Variants in PPP2R2C observed in about 807,000 individuals in gnomAD.
PPP2R2C encodes protein phosphatase 2, regulatory subunit B, gamma.
In PPP2R2C, 10 loss-of-function variants were observed where a neutral mutation model predicts 45.3. That is an observed-to-expected ratio of 0.22 (90% CI 0.14 to 0.37). The LOEUF is 0.37. PPP2R2C is among the 10% of genes least tolerant of loss of function. PPP2R2C has a pLI of 1.00. For missense variants in PPP2R2C, 308 were observed against 619.7 expected, an observed-to-expected ratio of 0.50 and a Z score of 5.34; for synonymous variants, 257 against 245.4, an observed-to-expected ratio of 1.05 and a Z score of -0.44.
chr4:6,479,165 T>C (rs1324954853), intron 2 of PPP2R2C, among the ~76,000 whole-genome samples: 1 of 152,184 alleles, frequency 6.6e-6, no homozygotes, highest in Non-Finnish European at 1.5e-5. Flanking sequence ...AATCCAGAGA[T>C]GTACCCAGGT....
chr4:6,553,627 C>T (rs190070505), intron 1 of PPP2R2C, among the ~76,000 whole-genome samples: 76 of 152,304 alleles, frequency 5.0e-4, no homozygotes, highest in African/African-American at 1.4e-3. Context: ...CTCCACCCAC[C>T]GATAGGCACC....
chr4:6,451,341 G>A (rs921116736), intron 1 of PPP2R2C, among the ~76,000 whole-genome samples: 16 of 152,300 alleles, frequency 1.1e-4, no homozygotes, highest in African/African-American at 3.4e-4. Flanking sequence ...TTCTCGGCAC[G>A]GCCCACAGCT....
intron 1 of PPP2R2C, among the ~76,000 whole-genome samples, chr4:6,536,410 T>C (rs931495685): frequency 2.6e-5 from 4 of 152,182 alleles, no homozygotes; most frequent in African/African-American, 7.2e-5. Context: ...TCACCAGTCA[T>C]TCACATAAAA....
At chr4:6,381,394 C>A in intron 1 of PPP2R2C, 1 of 1,447,414 alleles carries the variant, frequency 6.9e-7, no homozygotes, top group Non-Finnish European at 9.2e-7. Flanking sequence ...ATGGGACTCA[C>A]GGTGGTATCT....
chr4:6,500,669 G>T (rs531341094), intron 2 of PPP2R2C, among the ~76,000 whole-genome samples: 12 of 152,338 alleles, frequency 7.9e-5, no homozygotes, highest in African/African-American at 2.4e-4. Flanking sequence ...AAAGAGGGGG[G>T]TTCATTTGAG....
intron 1 of PPP2R2C, among the ~76,000 whole-genome samples, chr4:6,560,304 T>C (rs1271272079): frequency 6.6e-6 from 1 of 152,210 alleles, no homozygotes; most frequent in African/African-American, 2.4e-5. Context: ...TGGAAGCAAC[T>C]CCAAGCCAGG....
chr4:6,465,510 G>A (rs1284568984), intron 1 of PPP2R2C, among the ~76,000 whole-genome samples: 3 of 152,140 alleles, frequency 2.0e-5, no homozygotes, highest in Non-Finnish European at 2.9e-5. Flanking sequence ...TATAATTCGT[G>A]GGGCACAGGG....
At chr4:6,445,723 T>C (rs1196646419) in intron 1 of PPP2R2C, among the ~76,000 whole-genome samples, 1 of 146,892 alleles carries the variant, frequency 6.8e-6, no homozygotes, top group African/African-American at 2.5e-5. Flanking sequence ...TGTCTCTAAA[T>C]AAATAAATAA....
intron 2 of PPP2R2C, among the ~76,000 whole-genome samples, chr4:6,490,400 G>A (rs527361343): frequency 2.4e-4 from 36 of 152,230 alleles, no homozygotes; most frequent in African/African-American, 7.9e-4. Flanking sequence ...TCTGTGCTTC[G>A]AGTCATCATT....
intron 6 of PPP2R2C, among the ~76,000 whole-genome samples, chr4:6,341,037 G>A (rs74914200): frequency 0.21 from 31,427 of 152,178 alleles, 3,447 homozygotes; most frequent in Admixed American, 0.23. Context: ...AGCCCACACA[G>A]CCCTTTTAAA....
chr4:6,511,482 G>T, intron 2 of PPP2R2C, among the ~76,000 whole-genome samples: 1 of 119,462 alleles, frequency 8.4e-6, no homozygotes, highest in African/African-American at 3.5e-5. Context: ...TGGTGATGGC[G>T]GTGTTGGTGG....
chr4:6,560,235 G>C (rs1725533409), intron 1 of PPP2R2C, among the ~76,000 whole-genome samples: 1 of 152,216 alleles, frequency 6.6e-6, no homozygotes. Flanking sequence ...CAGCCCCCCA[G>C]GCCCAGCCCA....
chr4:6,531,073 C>T (rs1724380353), intron 2 of PPP2R2C, among the ~76,000 whole-genome samples: 1 of 152,214 alleles, frequency 6.6e-6, no homozygotes, highest in African/African-American at 2.4e-5. Context: ...AAGATCACCC[C>T]TCCTGGGGCC....
intron 1 of PPP2R2C, among the ~76,000 whole-genome samples, chr4:6,409,905 T>C (rs962036559): frequency 6.6e-6 from 1 of 152,206 alleles, no homozygotes; most frequent in Non-Finnish European, 1.5e-5. Context: ...ATCTAACATC[T>C]GGTGGATGAA....
At chr4:6,493,036 A>G (rs557986682) in intron 2 of PPP2R2C, among the ~76,000 whole-genome samples, 12 of 151,860 alleles carry the variant, frequency 7.9e-5, no homozygotes, top group Admixed American at 3.3e-4. Flanking sequence ...CAACATGCAT[A>G]CCCTGCCTCG....
intron 1 of PPP2R2C, among the ~76,000 whole-genome samples, chr4:6,550,070 G>T (rs540244697): frequency 6.6e-6 from 1 of 152,120 alleles, no homozygotes; most frequent in Non-Finnish European, 1.5e-5. Context: ...GGGGTAGGGG[G>T]ACAGCCAATG....
At chr4:6,490,349 C>A (rs1032993964) in intron 2 of PPP2R2C, among the ~76,000 whole-genome samples, 6 of 152,256 alleles carry the variant, frequency 3.9e-5, no homozygotes, top group African/African-American at 1.4e-4. Flanking sequence ...TCCAAGCCAT[C>A]CTCTCATGAC....
chr4:6,384,420 A>G (rs1716078494), intron 1 of PPP2R2C: 1 of 984,864 alleles, frequency 1.0e-6, no homozygotes, highest in African/African-American at 1.7e-5. Flanking sequence ...AGCTGGAACA[A>G]AATAATATTT....
At position 6,368,206 on chromosome 4, in the gene PPP2R2C, C is replaced by A. The variant is rs755904020; in HGVS notation, c.625+4317G>T. 6.6e-6 allele frequency among the ~76,000 whole-genome samples: 1 copy of A among 152,190 alleles called. No individual in the cohort carries two copies. Among genetic ancestry groups the A allele is most frequent in the African/African-American group, 2.4e-5 (1 of 41,456 alleles). ...ACTCTCTTGCACACACCATCAGCTC[C>A]GTGTCTACATCCTCACTTGGCAAAA... On this transcript the variant is annotated intron_variant, in intron 5 of 8. Coordinates refer to ENST00000382599, the MANE Select transcript of PPP2R2C (RefSeq NM_020416.4). This position sits in a 1 kb window ranked among gnomAD's most constrained non-coding sequence, Gnocchi z 4.2.
Sources: gnomAD v4.1 joint callset for allele counts (sites outside exome capture counted in the v4.1 genomes callset) on GRCh38, gnomAD v4.1.1 for gene constraint, Gnocchi (gnomAD v3.1) non-coding constraint, MANE v1.5 for transcripts, NCBI Gene and HGNC (gene_info 2026-07-23, HGNC 2026-07-21) for gene names.